The following BRSK1 variants were observed in gnomAD, a reference collection of about 807,000 sequenced individuals.
BRSK1 encodes the protein serine/threonine-protein kinase BRSK1.
A neutral mutation model predicts 86.2 loss-of-function variants in BRSK1; 17 were observed. That is an observed-to-expected ratio of 0.20 (90% CI 0.14 to 0.30). The LOEUF (loss-of-function observed/expected upper bound fraction) is 0.30. Ranked by LOEUF, BRSK1 falls within the 10% of genes least tolerant of loss-of-function variation. The pLI is 1.00. For synonymous variants in BRSK1, 464 were observed against 440.1 expected, an observed-to-expected ratio of 1.05 and a Z score of -0.68; for missense variants, 719 against 1,071.9, an observed-to-expected ratio of 0.67 and a Z score of 4.60.
intron 4 of BRSK1, among the ~76,000 whole-genome samples, chr19:55,293,248 G>A (rs2088435171): frequency 6.6e-6 from 1 of 151,860 alleles, no homozygotes; most frequent in East Asian, 1.9e-4. Flanking sequence ...GTAATCCCAG[G>A]ACTTCTTGAA....
At chr19:55,289,392 G>C (rs2088370573) in intron 3 of BRSK1, 88 bp from the exon 4 acceptor site, 2 of 1,461,938 alleles carry the variant, frequency 1.4e-6, no homozygotes, top group Non-Finnish European at 1.9e-6. Context: ...GGAGTTCTCT[G>C]CCACCAGGAG....
In BRSK1 at chr19:55,284,523, C is replaced by T. The variant is rs1268292125; in HGVS notation, c.81C>T (p.His27=). The T allele has an allele frequency of 3.8e-6, 5 of 1,300,940 alleles. No homozygotes were observed. The East Asian group carries it at 1.6e-4, about 41-fold the overall frequency. The allele number at this position is 1,300,940 out of a possible 1,614,324, so 80.6% of individuals were successfully genotyped here. ...LPHPHPHPPQ[H]AQYVGPYRLE... The stretch of plus-strand genomic sequence containing the variant: ...ACCCCCACCCCCACCCACCCCAGCA[C>T]GCCCAATATGTGGGCCCCTATCGGC... Residue 27 remains histidine, a synonymous_variant, in exon 1 of 19, where the codon CAC becomes CAT. Transcript: ENST00000309383.
chr19:55,305,665 G>A (rs1210011990), intron 16 of BRSK1, 79 bp downstream of exon 16: 3 of 1,592,974 alleles, frequency 1.9e-6, no homozygotes, highest in African/African-American at 1.3e-5. Context: ...AACCACCTTA[G>A]CATAGGCCTG....
chr19:55,308,483 C>G (rs1381172268), intron 17 of BRSK1, among the ~76,000 whole-genome samples, 156 bp from the exon 18 acceptor site: 1 of 150,648 alleles, frequency 6.6e-6, no homozygotes, highest in Non-Finnish European at 1.5e-5. Flanking sequence ...GACCCATTTG[C>G]AAACCGTGGA....
intron 17 of BRSK1, among the ~76,000 whole-genome samples, chr19:55,307,197 G>A (rs925592488): frequency 6.6e-6 from 1 of 152,182 alleles, no homozygotes; most frequent in African/African-American, 2.4e-5. Flanking sequence ...TAAACCAAAC[G>A]GCTGTGGAAC....
chr19:55,306,297 G>T lies in BRSK1; in HGVS notation c.1936G>T (p.Ala646Ser). Reference protein sequence around the residue: ...HSVLSQTSFRAEYKASGGPSV... With the variant: ...HSVLSQTSFRSEYKASGGPSV... ...TGTGCTGTCACAGACCAGCTTCAGGGCCGAGTACAAGGCCAGTGGCGGCCC... is the reference window on the plus strand; with the variant it reads ...TGTGCTGTCACAGACCAGCTTCAGGTCCGAGTACAAGGCCAGTGGCGGCCC... The change falls in exon 17 of 19, where the codon GCC becomes TCC. Residue 646 changes from alanine to serine, a missense_variant. Around this residue, in one of 6 missense-constraint regions of BRSK1, gnomAD observed 180 missense variants for 259.4 expected, o/e 0.69. Coordinates refer to ENST00000309383, the MANE Select transcript of BRSK1 (RefSeq NM_032430.2). The surrounding 1 kb of genome is among the most constrained non-coding windows in gnomAD (Gnocchi z 4.7). 2 of 1,614,108 alleles carry T rather than the reference G, an allele frequency of 1.2e-6. No individual in the cohort carries two copies. The highest frequency in any genetic ancestry group is 1.7e-6 in the Non-Finnish European group (2 of 1,180,046).
chr19:55,284,490 C>CCGGGGG lies in BRSK1; in HGVS notation c.49_50insGGGGGC (p.His16_Leu17insArgGly). 3 of 1,125,958 alleles carry CCGGGGG rather than the reference C, an allele frequency of 2.7e-6. No homozygotes were observed. Among genetic ancestry groups the CCGGGGG allele is most frequent in the Non-Finnish European group, 3.6e-6 (3 of 838,974 alleles). The allele number at this position is 1,125,958 out of a possible 1,614,324, so 69.7% of individuals were successfully genotyped here. The stretch of plus-strand genomic sequence containing the variant: ...GAGGTGGGGGCTCTCCCGCCTACCA[C>CCGGGGG]CTCCCCCACCCCCACCCCCACCCAC... On this transcript the variant is annotated inframe_insertion, in exon 1 of 19. Coordinates refer to ENST00000309383, the MANE Select transcript of BRSK1 (RefSeq NM_032430.2).
intron 17 of BRSK1, among the ~76,000 whole-genome samples, chr19:55,307,747 TACACACACAC>T (rs68176323): frequency 0.081 from 7,153 of 88,006 alleles, 347 homozygotes; most frequent in Middle Eastern, 0.13. Context: ...AAAAAATTTA[TACACACACAC>T]ACACACACAC....
In BRSK1 at chr19:55,310,405, T is replaced by C. The variant is rs1339697681; in HGVS notation, c.2180-1506T>C. ...GGTGACTCAGTGGGACCTGCACAGA[T>C]ACTCCAAGATAATCCCCCAACTCGT... On this transcript the variant is annotated intron_variant, in intron 18 of 18. Coordinates refer to ENST00000309383, the MANE Select transcript of BRSK1 (RefSeq NM_032430.2). This position sits in a 1 kb window ranked among gnomAD's most constrained non-coding sequence, Gnocchi z 5.0. Among the ~76,000 whole-genome samples the C allele has an allele frequency of 6.6e-6, 1 of 152,092 alleles. No homozygotes were observed. Among genetic ancestry groups the C allele is most frequent in the Non-Finnish European group, 1.5e-5 (1 of 68,006 alleles).
intron 3 of BRSK1, among the ~76,000 whole-genome samples, chr19:55,288,739 C>T (rs937512171): frequency 6.6e-6 from 1 of 152,008 alleles, no homozygotes; most frequent in Non-Finnish European, 1.5e-5. Context: ...GCACGCACCA[C>T]CACGCCCAGC....
chr19:55,293,222 G>A (rs1049220673), intron 4 of BRSK1, among the ~76,000 whole-genome samples: 6 of 151,990 alleles, frequency 3.9e-5, no homozygotes, highest in Admixed American at 1.3e-4. Flanking sequence ...TAGGCCTGGC[G>A]CGGTGGCTCA....
rs2088335286 is a variant in BRSK1 at position 55,287,432 on chromosome 19, G to A, written c.317+133G>A. 1.3e-6 allele frequency: 1 copy of A among 783,286 alleles called. No individual in the cohort carries two copies. The highest frequency in any genetic ancestry group is 2.1e-6 in the Non-Finnish European group (1 of 475,820). 48.5% of individuals were successfully genotyped at this position (783,286 alleles called of 1,614,324 possible). ...TCCAGGCTGGACCGCTGAAGGCCCA[G>A]TTCCTTGCCTGTTGCACAGGGAAGC... is the stretch of plus-strand genomic sequence containing the variant. On this transcript the variant is annotated intron_variant, in intron 3 of 18. Transcript: ENST00000309383. This position sits in a 1 kb window ranked among gnomAD's most constrained non-coding sequence, Gnocchi z 5.3.
chr19:55,307,789 A>ACACAC (rs1568989630), intron 17 of BRSK1, among the ~76,000 whole-genome samples: 3 of 97,918 alleles, frequency 3.1e-5, no homozygotes, highest in African/African-American at 1.6e-4. Flanking sequence ...CACACACACA[A>ACACAC]TTTAAAAAAA....
chr19:55,307,792 T>TAA (rs1179159266), intron 17 of BRSK1, among the ~76,000 whole-genome samples: 1,917 of 88,286 alleles, frequency 0.022, 77 homozygotes, highest in African/African-American at 0.09. Flanking sequence ...ACACACAATT[T>TAA]AAAAAAAAAA....
intron 1 of BRSK1, among the ~76,000 whole-genome samples, chr19:55,284,925 G>A (rs1188133146): frequency 6.8e-6 from 1 of 148,076 alleles, no homozygotes; most frequent in Non-Finnish European, 1.5e-5. Flanking sequence ...GGGAGGAGGG[G>A]CTGTGCTTGG....
At chr19:55,311,440 G>T (rs2088791910) in intron 18 of BRSK1, among the ~76,000 whole-genome samples, 1 of 152,138 alleles carries the variant, frequency 6.6e-6, no homozygotes, top group Non-Finnish European at 1.5e-5. Flanking sequence ...CCCAGCATGA[G>T]GGGCCTGAGA....
chr19:55,295,337 G>A (rs925616094), intron 7 of BRSK1, among the ~76,000 whole-genome samples: 4 of 151,974 alleles, frequency 2.6e-5, no homozygotes, highest in African/African-American at 4.8e-5. Flanking sequence ...TTCCCTGGTC[G>A]GTCTCAAACT....
Position 55,284,375 on chromosome 19 carries a change from C to A in BRSK1, c.-68C>A. The A allele has an allele frequency of 1.1e-6, 1 of 926,328 alleles. No homozygotes were observed. The highest frequency in any genetic ancestry group is 1.4e-6 in the Non-Finnish European group (1 of 734,680). 57.4% of individuals were successfully genotyped at this position (926,328 alleles called of 1,614,324 possible). A position where few individuals can be genotyped will look rare whatever the true frequency, so the allele number is the denominator to read the frequency against. On this transcript the variant is annotated 5_prime_UTR_variant, in exon 1 of 19. Transcript: ENST00000309383. ...GGACGGAGCGGTCGCCGGCCCCCAC[C>A]GGAGAGACGGGGCGACGGCCGCAGG...
rs906361255 is a variant in BRSK1 at position 55,289,468 on chromosome 19, T to A, written c.318-12T>A. 6.2e-7 allele frequency: 1 copy of A among 1,609,602 alleles called. No homozygotes were observed. Among genetic ancestry groups the A allele is most frequent in the Non-Finnish European group, 8.5e-7 (1 of 1,177,886 alleles). Reference sequence around the variant, plus strand: ...GCCCCTTCCAGCCCTCTGCCCCCTCTATATCCTTTAGGTACCTGGTTCTGG... The same window carrying A: ...GCCCCTTCCAGCCCTCTGCCCCCTCAATATCCTTTAGGTACCTGGTTCTGG... On this transcript the variant is annotated splice_polypyrimidine_tract_variant and intron_variant, in intron 3 of 18. Transcript: ENST00000309383.
Sources: allele counts gnomAD v4.1 joint callset (sites outside exome capture counted in the v4.1 genomes callset), GRCh38; gene constraint gnomAD v4.1.1; regional missense constraint gnomAD v4.1.1; non-coding constraint Gnocchi (gnomAD v3.1); transcripts MANE v1.5; gene names NCBI Gene and HGNC (gene_info 2026-07-23, HGNC 2026-07-21).